Variants in AGBL4 observed in about 807,000 individuals in gnomAD.
The protein encoded by AGBL4 is cytosolic carboxypeptidase 6.
AGBL4 carries 58 observed loss-of-function variants against 66.4 expected under a neutral mutation model. The ratio of observed to expected loss-of-function variants is 0.87; its 90% CI spans 0.71 to 1.09. AGBL4 has a LOEUF of 1.09. Ranked by LOEUF, AGBL4 falls within the 50% of genes least tolerant of loss-of-function variation. The pLI, the probability that AGBL4 is intolerant of heterozygous loss-of-function variation, is 0.00. For synonymous variants in AGBL4, 234 were observed against 222.9 expected (o/e 1.05, Z -0.44); for missense variants, 579 against 631.0 (o/e 0.92, Z 0.88).
intron 9 of AGBL4, 81 bp from the exon 10 acceptor site, chr1:48,591,066 CACA>C: frequency 4.4e-6 from 5 of 1,146,046 alleles, no homozygotes; most frequent in Non-Finnish European, 4.8e-6. Flanking sequence ...ACTACACACA[CACA>C]CCCCCCACAC....
At chr1:49,718,831 GCTTT>G (rs1289435090) in intron 2 of AGBL4, among the ~76,000 whole-genome samples, 1 of 151,878 alleles carries the variant, frequency 6.6e-6, no homozygotes, top group Non-Finnish European at 1.5e-5. Context: ...AAATTTGTAA[GCTTT>G]CTATTTTCAG....
intron 8 of AGBL4, 147 bp downstream of exon 8, chr1:48,653,190 T>C (rs1383294753): frequency 1.6e-6 from 1 of 626,500 alleles, no homozygotes; most frequent in African/African-American, 1.9e-5. Context: ...ATTAAAGAAA[T>C]TCTCAAGAGC....
intron 5 of AGBL4, among the ~76,000 whole-genome samples, chr1:49,044,077 A>C (rs1644014497): frequency 6.6e-6 from 1 of 152,192 alleles, no homozygotes; most frequent in African/African-American, 2.4e-5. Context: ...GTAAAACATA[A>C]AACCAAATTA....
At chr1:48,773,240 T>G (rs1203173092) in intron 6 of AGBL4, among the ~76,000 whole-genome samples, 2 of 151,946 alleles carry the variant, frequency 1.3e-5, no homozygotes, top group Non-Finnish European at 2.9e-5. Context: ...GAAACCAGTT[T>G]GAGCCTCCTA....
intron 4 of AGBL4, among the ~76,000 whole-genome samples, chr1:49,062,984 T>C (rs1402216747): frequency 2.6e-5 from 4 of 152,214 alleles, no homozygotes; most frequent in Non-Finnish European, 4.4e-5. Context: ...TTTCACAACT[T>C]CCTACTTTTT....
At chr1:48,567,984 A>T (rs920743167) in intron 11 of AGBL4, among the ~76,000 whole-genome samples, 2 of 152,168 alleles carry the variant, frequency 1.3e-5, no homozygotes, top group African/African-American at 4.8e-5. Context: ...TCAAGCACCG[A>T]GGCTGGGACT....
At chr1:48,820,064 A>C (rs2148769052) in intron 6 of AGBL4, among the ~76,000 whole-genome samples, 1 of 152,352 alleles carries the variant, frequency 6.6e-6, no homozygotes, top group Admixed American at 6.5e-5. Flanking sequence ...ATTCTAAGTA[A>C]GCACAATTAT....
intron 3 of AGBL4, among the ~76,000 whole-genome samples, chr1:49,363,978 A>G (rs1372947983): frequency 6.6e-6 from 1 of 152,218 alleles, no homozygotes; most frequent in African/African-American, 2.4e-5. Context: ...AGACTCCCTA[A>G]TCCACCTGGA....
intron 3 of AGBL4, among the ~76,000 whole-genome samples, chr1:49,285,152 G>A (rs1271612657): frequency 6.6e-6 from 1 of 152,076 alleles, no homozygotes; most frequent in South Asian, 2.1e-4. Flanking sequence ...TAAAAGAACA[G>A]AGATTATAAC....
intron 5 of AGBL4, among the ~76,000 whole-genome samples, chr1:48,930,017 G>A (rs1654908389): frequency 6.6e-6 from 1 of 152,068 alleles, no homozygotes; most frequent in Admixed American, 6.6e-5. Flanking sequence ...ATCTATAACT[G>A]GAGGACTGGA....
intron 3 of AGBL4, among the ~76,000 whole-genome samples, chr1:49,299,123 T>C (rs1644697708): frequency 6.6e-6 from 1 of 152,196 alleles, no homozygotes; most frequent in Admixed American, 6.5e-5. Context: ...GTAGGCTGTA[T>C]CAATATTCCC....
chr1:49,530,657 A>G (rs1294133546), intron 3 of AGBL4, among the ~76,000 whole-genome samples: 1 of 152,072 alleles, frequency 6.6e-6, no homozygotes, highest in Non-Finnish European at 1.5e-5. Context: ...ATTTGTGGAT[A>G]TTACAGATAC....
chr1:49,071,779 G>A (rs1156856492), intron 4 of AGBL4, among the ~76,000 whole-genome samples: 1 of 151,952 alleles, frequency 6.6e-6, no homozygotes, highest in Non-Finnish European at 1.5e-5. Context: ...CCAAAGCTGA[G>A]TTCAAGTCCC....
intron 3 of AGBL4, among the ~76,000 whole-genome samples, chr1:49,659,863 G>A (rs1015637798): frequency 1.3e-5 from 2 of 152,008 alleles, no homozygotes; most frequent in Non-Finnish European, 2.9e-5. Flanking sequence ...TCACATATTT[G>A]GAAGTAAATC....
intron 4 of AGBL4, among the ~76,000 whole-genome samples, chr1:49,221,644 G>A: frequency 6.6e-6 from 1 of 152,052 alleles, no homozygotes; most frequent in East Asian, 1.9e-4. Context: ...GAGAAACCTT[G>A]TGAGGAAAGT....
intron 3 of AGBL4, among the ~76,000 whole-genome samples, chr1:49,310,003 G>C (rs1301452527): frequency 6.6e-6 from 1 of 152,024 alleles, no homozygotes; most frequent in African/African-American, 2.4e-5. Context: ...TCCTCACCTG[G>C]AGGTCAGTTT....
intron 4 of AGBL4, among the ~76,000 whole-genome samples, chr1:49,055,200 A>C (rs1644288097): frequency 6.6e-6 from 1 of 151,998 alleles, no homozygotes; most frequent in Non-Finnish European, 1.5e-5. Context: ...AAAATTGAGA[A>C]GGCCTTCAGT....
At chr1:49,024,963 G>A (rs1663536618) in intron 5 of AGBL4, among the ~76,000 whole-genome samples, 1 of 152,120 alleles carries the variant, frequency 6.6e-6, no homozygotes, top group Admixed American at 6.6e-5. Flanking sequence ...TTAACTAATA[G>A]GGGGTTTCTC....
At chr1:49,247,820 G>T (rs1334903943) in intron 3 of AGBL4, among the ~76,000 whole-genome samples, 1 of 152,090 alleles carries the variant, frequency 6.6e-6, no homozygotes, top group African/African-American at 2.4e-5. Context: ...TACATTATTT[G>T]TTTACTCCAT....
Sources: gnomAD v4.1 joint callset for allele counts (sites outside exome capture counted in the v4.1 genomes callset) on GRCh38, gnomAD v4.1.1 for gene constraint, MANE v1.5 for transcripts, NCBI Gene and HGNC (gene_info 2026-07-23, HGNC 2026-07-21) for gene names.